The following DUT variants were observed in gnomAD, a reference collection of about 807,000 sequenced individuals.
DUT encodes the protein deoxyuridine triphosphatase, also known as deoxyuridine 5'-triphosphate nucleotidohydrolase, mitochondrial.
A neutral mutation model predicts 28.8 loss-of-function variants in DUT; 21 were observed. That is an observed-to-expected ratio of 0.73 (90% confidence interval 0.52 to 1.05). The LOEUF is 1.05. DUT is among the 50% of genes least tolerant of loss of function. The pLI is 0.00. For synonymous variants in DUT, 147 were observed against 143.7 expected (o/e 1.02, Z -0.17); for missense variants, 344 against 351.8 (o/e 0.98, Z 0.18).
chr15:48,332,815 A>G (rs972985184), intron 2 of DUT: 3 of 465,494 alleles, frequency 6.4e-6, no homozygotes, highest in South Asian at 1.6e-5. Flanking sequence ...GTTATTTTCT[A>G]TACATTCATC....
At chr15:48,335,134 G>T (rs1324282885) in intron 3 of DUT, among the ~76,000 whole-genome samples, 1 of 152,152 alleles carries the variant, frequency 6.6e-6, no homozygotes, top group African/African-American at 2.4e-5. Flanking sequence ...AACAAGATGG[G>T]CTCTCATCTC....
intron 4 of DUT, among the ~76,000 whole-genome samples, chr15:48,337,139 C>T (rs28381121): frequency 0.025 from 3,733 of 152,194 alleles, 112 homozygotes; most frequent in Admixed American, 0.07. Flanking sequence ...TGGGACAAGA[C>T]AGGACCCCAA....
intron 4 of DUT, chr15:48,341,052 G>T: frequency 2.9e-6 from 1 of 348,056 alleles, no homozygotes; most frequent in Non-Finnish European, 5.2e-6. Flanking sequence ...GGAAATGGTC[G>T]CCATTTGATA....
intron 2 of DUT, among the ~76,000 whole-genome samples, chr15:48,334,061 C>T (rs935951071): frequency 4.6e-5 from 7 of 152,166 alleles, no homozygotes; most frequent in African/African-American, 9.7e-5. Context: ...AAAGCATCCA[C>T]CTTTTGAAAG....
At chr15:48,335,996 T>C (rs2042470972) in intron 3 of DUT, 50 bp from the exon 4 acceptor site, 2 of 1,479,696 alleles carry the variant, frequency 1.4e-6, no homozygotes, top group Non-Finnish European at 1.9e-6. Flanking sequence ...TTATCTCTGA[T>C]ATAGCCCTTC....
At chr15:48,332,177 C>A in intron 1 of DUT, 91 bp from the exon 2 acceptor site, 1 of 1,466,230 alleles carries the variant, frequency 6.8e-7, no homozygotes, top group Non-Finnish European at 9.0e-7. Context: ...GGTTTTGGCG[C>A]GCTCCCTGCG....
chr15:48,334,499 G>T lies in DUT; in HGVS notation c.502G>T (p.Gly168Ter). The T allele has an allele frequency of 6.2e-7, 1 of 1,607,950 alleles. No homozygotes were observed. Among genetic ancestry groups the T allele is most frequent in the South Asian group, 1.1e-5 (1 of 90,144 alleles). ...GATAGCGCTCCCTTCTGGGTGTTATGGAAGAGTGGGTAAGTCATTTAAGAA... is the reference window on the plus strand; with the variant it reads ...GATAGCGCTCCCTTCTGGGTGTTATTGAAGAGTGGGTAAGTCATTTAAGAA... Reference protein sequence around the residue: ...IQIALPSGCYGRVAPRSGLAA... With the variant: ...IQIALPSGCY The change falls in exon 3 of 7, where the codon GGA (glycine) becomes TGA (stop). Residue 168 changes from glycine to a stop codon, truncating the protein, a stop_gained. Transcript: ENST00000331200. LOFTEE classifies it high-confidence loss of function.
At chr15:48,331,394 C>G, upstream of DUT, 1 of 1,495,358 alleles carries the variant, frequency 6.7e-7, no homozygotes, top group Non-Finnish European at 8.9e-7. Context: ...CCACGCCCCT[C>G]GTCCGGCGGC....
At chr15:48,331,891 G>T (rs1418349408) in intron 1 of DUT, 96 bp downstream of exon 1, 23 of 793,940 alleles carry the variant, frequency 2.9e-5, no homozygotes, top group Non-Finnish European at 3.5e-5. Flanking sequence ...CCTTCTGCGC[G>T]CGGGGGGCGG....
intron 2 of DUT, chr15:48,332,657 C>T (rs1286052052): frequency 4.5e-6 from 3 of 670,674 alleles, no homozygotes; most frequent in South Asian, 1.5e-5. Context: ...TGTGCCCTTC[C>T]TAAATAGAAG....
chr15:48,340,983 A>G (rs948785200), intron 4 of DUT, among the ~76,000 whole-genome samples: 1 of 152,186 alleles, frequency 6.6e-6, no homozygotes, highest in African/African-American at 2.4e-5. Context: ...CTTTTTGGCA[A>G]GTGTGCCGTG....
At chr15:48,332,806 T>A (rs1164788706) in intron 2 of DUT, 3 of 470,678 alleles carry the variant, frequency 6.4e-6, no homozygotes, top group Non-Finnish European at 1.3e-5. Flanking sequence ...CCTTAAAAAG[T>A]TATTTTCTAT....
At chr15:48,335,730 G>A (rs962116632) in intron 3 of DUT, among the ~76,000 whole-genome samples, 5 of 152,098 alleles carry the variant, frequency 3.3e-5, no homozygotes, top group African/African-American at 9.7e-5. Flanking sequence ...AGTTGTTCCC[G>A]CTTGCTCACC....
chr15:48,331,668 CG>C lies in DUT; in HGVS notation c.156del (p.Ile53PhefsTer11). The C allele has an allele frequency of 6.5e-7, 1 of 1,534,672 alleles. No individual in the cohort carries two copies. The highest frequency in any genetic ancestry group is 8.8e-7 in the Non-Finnish European group (1 of 1,140,554). ...GPPLGRAAQH[G>X]IPRPLSSAGR... ...CGCCCCTCGGCCGCGCCGCGCAGCA[CG>C]GGATTCCCCGGCCGCTGTCCAGCGC... On this transcript the variant is annotated frameshift_variant, in exon 1 of 7. Transcript: ENST00000331200. LOFTEE classifies it high-confidence loss of function.
intron 2 of DUT, among the ~76,000 whole-genome samples, chr15:48,333,616 T>C (rs1393676403): frequency 1.3e-5 from 2 of 152,232 alleles, no homozygotes; most frequent in Admixed American, 6.5e-5. Context: ...GTTCTGCTCA[T>C]TGTAAAATCT....
In DUT at chr15:48,343,283, A is replaced by G. The variant is rs1322664882; in HGVS notation, c.*1205A>G. On this transcript the variant is annotated 3_prime_UTR_variant, in exon 7 of 7. Transcript: ENST00000331200. Reference sequence around the variant, plus strand: ...CATTAGTGAGCCATGAAATCAACTCAGTGGGACATAGCCAGCATTTTTGCA... The same window carrying G: ...CATTAGTGAGCCATGAAATCAACTCGGTGGGACATAGCCAGCATTTTTGCA... 6.6e-6 allele frequency: 1 copy of G among 152,198 alleles called. No homozygotes were observed. Among genetic ancestry groups the G allele is most frequent in the Non-Finnish European group, 1.5e-5 (1 of 68,034 alleles). The allele number at this position is 152,198 out of a possible 1,614,324, so 9.4% of individuals were successfully genotyped here.
At chr15:48,332,696 G>A (rs1320629128) in intron 2 of DUT, 3 of 616,576 alleles carry the variant, frequency 4.9e-6, no homozygotes, top group South Asian at 1.5e-5. Context: ...GGTGGCTTTC[G>A]AGTGGCCCGA....
At chr15:48,336,204 A>G (rs1445735482) in intron 4 of DUT, 114 bp downstream of exon 4, 7 of 857,130 alleles carry the variant, frequency 8.2e-6, no homozygotes, top group African/African-American at 1.8e-5. Flanking sequence ...ATTAGAGGAA[A>G]GCTTGTTATA....
chr15:48,335,869 A>C (rs574944138), intron 3 of DUT, among the ~76,000 whole-genome samples, 177 bp from the exon 4 acceptor site: 1 of 152,346 alleles, frequency 6.6e-6, no homozygotes, highest in South Asian at 2.1e-4. Flanking sequence ...TAGTCTTTCC[A>C]ACTTTGGTAA....
Sources: gnomAD v4.1 joint callset for allele counts (sites outside exome capture counted in the v4.1 genomes callset) on GRCh38, gnomAD v4.1.1 for gene constraint, MANE v1.5 for transcripts, NCBI Gene and HGNC (gene_info 2026-07-23, HGNC 2026-07-21) for gene names.